Variants in SKAP2 observed in about 807,000 individuals in gnomAD.
The protein encoded by SKAP2 is src kinase-associated phosphoprotein 2.
In SKAP2, 28 loss-of-function variants were observed where a neutral mutation model predicts 54.9. The ratio of observed to expected loss-of-function variants is 0.51; its 90% confidence interval spans 0.38 to 0.70. SKAP2 has a LOEUF of 0.70. Ranked by LOEUF, SKAP2 falls within the 30% of genes least tolerant of loss-of-function variation. SKAP2 has a pLI of 0.00. For synonymous variants in SKAP2, 137 were observed against 134.3 expected, an observed-to-expected ratio of 1.02 and a Z score of -0.14; for missense variants, 356 against 424.1, an observed-to-expected ratio of 0.84 and a Z score of 1.41.
chr7:26,763,335 T>C (rs1782974743), intron 4 of SKAP2, among the ~76,000 whole-genome samples: 1 of 152,114 alleles, frequency 6.6e-6, no homozygotes, highest in African/African-American at 2.4e-5. Flanking sequence ...AAAGTCTGAA[T>C]TTTTTATTCC....
intron 9 of SKAP2, among the ~76,000 whole-genome samples, chr7:26,720,321 T>C (rs1033203727): frequency 2.0e-5 from 3 of 152,142 alleles, no homozygotes; most frequent in East Asian, 1.9e-4. Context: ...AATGGCAACA[T>C]AGAGAAAAGC....
chr7:26,710,422 C>CT (rs1787276003), intron 9 of SKAP2, among the ~76,000 whole-genome samples: 3 of 152,180 alleles, frequency 2.0e-5, no homozygotes, highest in Admixed American at 6.5e-5. Flanking sequence ...TCACTTCATG[C>CT]TGGGATGGCT....
chr7:26,658,313 A>G, the SKAP2 span, among the ~76,000 whole-genome samples: 1 of 152,330 alleles, frequency 6.6e-6, no homozygotes, highest in Non-Finnish European at 1.5e-5. Flanking sequence ...AGGGGGTGCC[A>G]TCTGTTTGGC....
In SKAP2 at chr7:26,845,501, T is replaced by C. The variant is rs546206641; in HGVS notation, c.200-1364A>G. On this transcript the variant is annotated intron_variant, in intron 3 of 12. Coordinates refer to ENST00000345317, the MANE Select transcript of SKAP2 (RefSeq NM_003930.5). ...CTACTAGGTACAGTAAATATGGTGA[T>C]GTTACTCCCACAGTTAAAATTCTAA... Among the ~76,000 whole-genome samples, 96 of 152,352 alleles carry C rather than the reference T, an allele frequency of 6.3e-4. 1 individual carries two copies. Among genetic ancestry groups the C allele is most frequent in the Admixed American group, 2.0e-3 (31 of 15,304 alleles).
intron 4 of SKAP2, among the ~76,000 whole-genome samples, 187 bp from the exon 5 acceptor site, chr7:26,740,151 TAAAAAAAA>T (rs60264987): frequency 3.7e-3 from 484 of 129,796 alleles, no homozygotes; most frequent in Middle Eastern, 7.8e-3. Flanking sequence ...GTCTCAAAAG[TAAAAAAAA>T]AAAAAAAAAA....
chr7:26,824,995 G>T (rs754606230), intron 4 of SKAP2, among the ~76,000 whole-genome samples: 31 of 152,178 alleles, frequency 2.0e-4, no homozygotes, highest in Non-Finnish European at 2.6e-4. Context: ...ATTATATGAC[G>T]TTCTTTTTAA....
rs368430501 is a variant in SKAP2 at position 26,824,349 on chromosome 7, A to T, written c.307+19681T>A. Among the ~76,000 whole-genome samples the T allele has an allele frequency of 1.8e-4, 27 of 152,342 alleles. No homozygotes were observed. The East Asian group carries it at 5.0e-3, about 28-fold the overall frequency. On this transcript the variant is annotated intron_variant, in intron 4 of 12. Coordinates refer to ENST00000345317, the MANE Select transcript of SKAP2 (RefSeq NM_003930.5). ...GAGGTAATATAGTAGTAAGGAATAC[A>T]AATTGGAAAAAGAGGGTGCATCCTT...
chr7:26,721,687 A>G (rs1787580899), intron 9 of SKAP2, among the ~76,000 whole-genome samples: 1 of 152,192 alleles, frequency 6.6e-6, no homozygotes, highest in Admixed American at 6.5e-5. Flanking sequence ...TAATAAGTTA[A>G]TGGATGGTTA....
At chr7:26,833,352 C>T (rs1334960250) in intron 4 of SKAP2, among the ~76,000 whole-genome samples, 8 of 148,726 alleles carry the variant, frequency 5.4e-5, no homozygotes, top group South Asian at 2.1e-4. Context: ...GCTGAGATCG[C>T]GCCACTGCAC....
At chr7:26,829,008 G>A (rs901387681) in intron 4 of SKAP2, among the ~76,000 whole-genome samples, 1 of 152,034 alleles carries the variant, frequency 6.6e-6, no homozygotes. Flanking sequence ...CAGCCTGGGC[G>A]ACAGAGCGAG....
At position 26,844,049 on chromosome 7, in the gene SKAP2, G is replaced by A. The variant is rs761771803; in HGVS notation, c.288C>T (p.Asp96=). Reference sequence around the variant, plus strand: ...ACATACCATCAGAGGGGGCTTCATCGTCTTTATCATATCGTTCTGAGGCTA... The same window carrying A: ...ACATACCATCAGAGGGGGCTTCATCATCTTTATCATATCGTTCTGAGGCTA... ...ISLASERYDK[D]DEAPSDGAQF... The change falls in exon 4 of 13, where the codon GAC becomes GAT. Residue 96 remains aspartate, a synonymous_variant. Coordinates refer to ENST00000345317, the MANE Select transcript of SKAP2 (RefSeq NM_003930.5). 20 of 1,608,440 alleles carry A rather than the reference G, an allele frequency of 1.2e-5. No homozygotes were observed. The highest frequency in any genetic ancestry group is 8.0e-5 in the African/African-American group (6 of 74,614).
At chr7:26,727,388 C>G (rs116473675) in intron 6 of SKAP2, among the ~76,000 whole-genome samples, 1 of 152,124 alleles carries the variant, frequency 6.6e-6, no homozygotes, top group Non-Finnish European at 1.5e-5. Context: ...CGGGCTTTAT[C>G]TACTGTTATC....
At chr7:26,770,658 G>A (rs1432174222) in intron 4 of SKAP2, among the ~76,000 whole-genome samples, 1 of 152,196 alleles carries the variant, frequency 6.6e-6, no homozygotes, top group African/African-American at 2.4e-5. Flanking sequence ...GGGCCAGAGT[G>A]TACCATTCCT....
At chr7:26,808,705 C>T (rs773721664) in intron 4 of SKAP2, among the ~76,000 whole-genome samples, 14 of 152,074 alleles carry the variant, frequency 9.2e-5, no homozygotes, top group Non-Finnish European at 1.3e-4. Flanking sequence ...ACCTTGGTTC[C>T]GATACTTACT....
At chr7:26,775,841 T>C (rs905932116) in intron 4 of SKAP2, among the ~76,000 whole-genome samples, 11 of 152,198 alleles carry the variant, frequency 7.2e-5, no homozygotes, top group Admixed American at 5.9e-4. Context: ...CAAAGTTTCA[T>C]TCAAGTTGTC....
intron 10 of SKAP2, among the ~76,000 whole-genome samples, chr7:26,687,604 A>G (rs965589759): frequency 1.3e-5 from 2 of 152,112 alleles, no homozygotes; most frequent in Non-Finnish European, 2.9e-5. Context: ...TGAATTCTTG[A>G]TATGAAATCT....
chr7:26,751,080 T>G (rs1369533236), intron 4 of SKAP2, among the ~76,000 whole-genome samples: 1 of 152,178 alleles, frequency 6.6e-6, no homozygotes, highest in Non-Finnish European at 1.5e-5. Context: ...TTAGAGTCAT[T>G]AATAACATAA....
At position 26,728,094 on chromosome 7, in the gene SKAP2, C is replaced by A. The variant is rs866793340; in HGVS notation, c.470-1088G>T. On this transcript the variant is annotated intron_variant, in intron 6 of 12. Transcript: ENST00000345317. ...CAAAATATCAAATGAGAAAAAAAAT[C>A]TCAGTTCCTGGGAAACTCTAATCAC... Among the ~76,000 whole-genome samples the A allele has an allele frequency of 4.6e-5, 7 of 152,204 alleles. No individual in the cohort carries two copies. In the Middle Eastern group the frequency reaches 0.017, roughly 370 times the overall value.
At chr7:26,689,191 T>C (rs985303322) in intron 10 of SKAP2, among the ~76,000 whole-genome samples, 1 of 152,130 alleles carries the variant, frequency 6.6e-6, no homozygotes, top group African/African-American at 2.4e-5. Context: ...CACCCGGCCT[T>C]GACAGCTTGA....
Sources: allele counts gnomAD v4.1 joint callset (sites outside exome capture counted in the v4.1 genomes callset), GRCh38; gene constraint gnomAD v4.1.1; transcripts MANE v1.5; gene names NCBI Gene and HGNC (gene_info 2026-07-23, HGNC 2026-07-21).